The following PPM1L variants were observed in gnomAD, a reference collection of about 807,000 sequenced individuals.
PPM1L encodes protein phosphatase 1L.
A neutral mutation model predicts 31.4 loss-of-function variants in PPM1L; 13 were observed. The observed-to-expected ratio is 0.41, with a 90% CI of 0.27 to 0.66. The LOEUF (loss-of-function observed/expected upper bound fraction) is 0.66. Ranked by LOEUF, PPM1L falls within the 30% of genes least tolerant of loss-of-function variation. The probability of loss-of-function intolerance (pLI) is 0.29; values close to 1 mark genes in which losing one functional copy is unlikely to be tolerated. For synonymous variants in PPM1L, 184 were observed against 175.4 expected (o/e 1.05, Z -0.39); for missense variants, 326 against 453.7 (o/e 0.72, Z 2.56).
chr3:160,756,556 C>G lies in PPM1L; in HGVS notation c.248C>G (p.Ser83Cys). The G allele has an allele frequency of 1.2e-6, 2 of 1,614,150 alleles. No individual in the cohort carries two copies. The highest frequency in any genetic ancestry group is 1.7e-6 in the Non-Finnish European group (2 of 1,180,026). ...CTTGATGTGCTCGAGGCCGAGTTTT[C>G]CAAGACCTGGGAGTTCAAGAACCAC... ...GGLDVLEAEF[S>C]KTWEFKNHNV... Residue 83 changes from serine to cysteine, a missense_variant, in exon 1 of 4, where the codon TCC becomes TGC. Physicochemically the swap from Ser to Cys is moderately radical, Grantham distance 112. Coordinates refer to ENST00000498165, the MANE Select transcript of PPM1L (RefSeq NM_139245.4). This position sits in a 1 kb window ranked among gnomAD's most constrained non-coding sequence, Gnocchi z 6.2.
intron 1 of PPM1L, among the ~76,000 whole-genome samples, chr3:160,839,476 T>TA (rs11459721): frequency 0.014 from 2,200 of 152,278 alleles, 60 homozygotes; most frequent in African/African-American, 0.051. Context: ...GGTTTATTTT[T>TA]AAAACAAGGT....
intron 1 of PPM1L, among the ~76,000 whole-genome samples, chr3:160,867,908 AG>A (rs1302692176): frequency 6.6e-6 from 1 of 152,204 alleles, no homozygotes; most frequent in Admixed American, 6.5e-5. Context: ...AAAAACTATC[AG>A]AACTCAGGCT....
At chr3:160,791,621 A>G (rs1028995945) in intron 1 of PPM1L, among the ~76,000 whole-genome samples, 1 of 152,184 alleles carries the variant, frequency 6.6e-6, no homozygotes, top group Non-Finnish European at 1.5e-5. Context: ...CCCTGTGCTT[A>G]TGAAATTTGC....
At chr3:160,935,506 T>TA (rs1714940770) in intron 1 of PPM1L, among the ~76,000 whole-genome samples, 1 of 152,194 alleles carries the variant, frequency 6.6e-6, no homozygotes, top group Admixed American at 6.5e-5. Flanking sequence ...GGGCCAGAAA[T>TA]ACTGCAGTGC....
At chr3:160,922,906 T>C (rs1055156440) in intron 1 of PPM1L, among the ~76,000 whole-genome samples, 8 of 152,224 alleles carry the variant, frequency 5.3e-5, no homozygotes, top group African/African-American at 1.9e-4. Context: ...GACCATATCC[T>C]AATATTGAAA....
At chr3:161,045,189 C>T (rs531182123) in intron 2 of PPM1L, among the ~76,000 whole-genome samples, 336 of 152,274 alleles carry the variant, frequency 2.2e-3, no homozygotes, top group African/African-American at 7.9e-3. Flanking sequence ...TTTAACCCCC[C>T]ACTGTCAACA....
At chr3:160,853,190 T>G (rs557629789) in intron 1 of PPM1L, among the ~76,000 whole-genome samples, 1 of 152,352 alleles carries the variant, frequency 6.6e-6, no homozygotes, top group East Asian at 1.9e-4. Context: ...GCCCTTAATT[T>G]AATCACTTTT....
intron 1 of PPM1L, among the ~76,000 whole-genome samples, chr3:160,918,250 A>G (rs1433502904): frequency 6.6e-6 from 1 of 152,260 alleles, no homozygotes. Flanking sequence ...CCACTGTTAT[A>G]TAAGCCTATC....
intron 1 of PPM1L, among the ~76,000 whole-genome samples, chr3:160,781,865 C>A (rs941090082): frequency 1.3e-5 from 2 of 152,114 alleles, no homozygotes; most frequent in Non-Finnish European, 2.9e-5. Context: ...TGAGCCGTAC[C>A]TATGTGTCTT....
At chr3:160,964,799 GTGAA>G (rs1287118070) in intron 2 of PPM1L, among the ~76,000 whole-genome samples, 1 of 152,014 alleles carries the variant, frequency 6.6e-6, no homozygotes, top group East Asian at 1.9e-4. Flanking sequence ...GTATGCATGA[GTGAA>G]TGAGTGTTGC....
chr3:160,820,095 C>A (rs1288396702), intron 1 of PPM1L, among the ~76,000 whole-genome samples: 9 of 151,810 alleles, frequency 5.9e-5, no homozygotes, highest in Admixed American at 5.9e-4. Context: ...GGTGAGGAGA[C>A]CAGTTGGAGG....
chr3:160,822,786 T>C (rs1713239965), intron 1 of PPM1L, among the ~76,000 whole-genome samples: 2 of 152,108 alleles, frequency 1.3e-5, no homozygotes, highest in South Asian at 2.1e-4. Flanking sequence ...CTTTGTTACA[T>C]TTATTTAACA....
chr3:160,811,619 T>C (rs1712807595), intron 1 of PPM1L, among the ~76,000 whole-genome samples: 1 of 152,202 alleles, frequency 6.6e-6, no homozygotes, highest in Non-Finnish European at 1.5e-5. Flanking sequence ...TGAATATTCT[T>C]AATTGTGCTC....
chr3:160,926,951 A>C (rs1714615032), intron 1 of PPM1L, among the ~76,000 whole-genome samples: 1 of 152,240 alleles, frequency 6.6e-6, no homozygotes, highest in African/African-American at 2.4e-5. Context: ...TTAGTCCTAT[A>C]AATAATCATT....
At chr3:160,999,286 G>A (rs1717411999) in intron 2 of PPM1L, among the ~76,000 whole-genome samples, 1 of 152,090 alleles carries the variant, frequency 6.6e-6, no homozygotes, top group African/African-American at 2.4e-5. Flanking sequence ...GCCGCGTGTG[G>A]TTTCTACTGC....
chr3:160,804,154 G>T, intron 1 of PPM1L, among the ~76,000 whole-genome samples: 1 of 151,116 alleles, frequency 6.6e-6, no homozygotes, highest in East Asian at 1.9e-4. Flanking sequence ...GGATGGTCTC[G>T]ATCTCCTGAT....
chr3:160,843,468 A>ATAT (rs1441660092), intron 1 of PPM1L, among the ~76,000 whole-genome samples: 1 of 106,884 alleles, frequency 9.4e-6, no homozygotes, highest in Non-Finnish European at 1.9e-5. Flanking sequence ...ATATATATAT[A>ATAT]TGTTTTTTTT....
chr3:161,065,817 C>T (rs1455158939), intron 3 of PPM1L, among the ~76,000 whole-genome samples: 1 of 152,164 alleles, frequency 6.6e-6, no homozygotes, highest in African/African-American at 2.4e-5. Flanking sequence ...CTTTGGGCCC[C>T]GGGTTCTCAC....
chr3:160,835,729 G>A (rs1241177832), intron 1 of PPM1L, among the ~76,000 whole-genome samples: 2 of 152,046 alleles, frequency 1.3e-5, no homozygotes, highest in African/African-American at 4.8e-5. Flanking sequence ...CCACTTGGCC[G>A]ATTCTGCATC....
Sources: allele counts gnomAD v4.1 joint callset (sites outside exome capture counted in the v4.1 genomes callset), GRCh38; gene constraint gnomAD v4.1.1; non-coding constraint Gnocchi (gnomAD v3.1); transcripts MANE v1.5; gene names NCBI Gene and HGNC (gene_info 2026-07-23, HGNC 2026-07-21).